The following ZNFX1 variants were observed in gnomAD, a reference collection of about 807,000 sequenced individuals.
ZNFX1 encodes the protein NFX1-type zinc finger-containing protein 1.
Under a neutral mutation model 179.8 loss-of-function variants are expected in ZNFX1, and 78 were observed. The ratio of observed to expected loss-of-function variants is 0.43; its 90% CI spans 0.36 to 0.52. The LOEUF (loss-of-function observed/expected upper bound fraction) is 0.52, where lower values mean the gene tolerates loss of function less well. Among genes scored for constraint, ZNFX1 ranks in the 20% least tolerant of loss-of-function variants. The pLI is 0.00. For missense variants in ZNFX1, 1,927 were observed against 2,386.6 expected, an observed-to-expected ratio of 0.81 and a Z score of 4.01; for synonymous variants, 848 against 868.5, an observed-to-expected ratio of 0.98 and a Z score of 0.42.
Position 49,247,090 on chromosome 20 carries a change from A to G in ZNFX1, c.*177T>C, listed in dbSNP as rs1980694517. 1 of 771,492 alleles carries G rather than the reference A, an allele frequency of 1.3e-6. No homozygotes were observed. The highest frequency in any genetic ancestry group is 2.0e-6 in the Non-Finnish European group (1 of 494,564). 47.8% of individuals were successfully genotyped at this position (771,492 alleles called of 1,614,324 possible). A position where few individuals can be genotyped will look rare whatever the true frequency, so the allele number is the denominator to read the frequency against. ...CGCCATGTTGGTCAGGCTGGTCTCG[A>G]ACTCCTGACCTCGTGATCCGCCTGC... is the stretch of plus-strand genomic sequence containing the variant. On this transcript the variant is annotated 3_prime_UTR_variant, in exon 14 of 14. Coordinates refer to ENST00000396105, the MANE Select transcript of ZNFX1 (RefSeq NM_021035.3).
At position 49,264,637 on chromosome 20, in the gene ZNFX1, G is replaced by C. The variant is rs1233770342; in HGVS notation, c.2151+79C>G. 4 of 1,554,650 alleles carry C rather than the reference G, an allele frequency of 2.6e-6. No individual in the cohort carries two copies. The East Asian group carries it at 9.0e-5, about 35-fold the overall frequency. ...TGAGGAGCCTCCAAATCTACCCTGG[G>C]CTGCCTACCCAGAAAGCCACTGCTA... On this transcript the variant is annotated intron_variant, in intron 5 of 13. Transcript: ENST00000396105.
intron 2 of ZNFX1, among the ~76,000 whole-genome samples, chr20:49,275,080 G>T (rs1423777992): frequency 6.7e-6 from 1 of 148,748 alleles, no homozygotes; most frequent in African/African-American, 2.5e-5. Context: ...CAGAGATCGC[G>T]CCACTGCACT....
chr20:49,252,524 CAT>C (rs1204956250), intron 12 of ZNFX1, among the ~76,000 whole-genome samples, 194 bp downstream of exon 12: 3 of 151,748 alleles, frequency 2.0e-5, no homozygotes, highest in African/African-American at 7.3e-5. Context: ...GAAAGCATAA[CAT>C]AAACAGCTCC....
Position 49,248,059 on chromosome 20 carries a change from C to T in ZNFX1, c.4965G>A (p.Gly1655=). 6.2e-7 allele frequency: 1 copy of T among 1,614,174 alleles called. No homozygotes were observed. Among genetic ancestry groups the T allele is most frequent in the Non-Finnish European group, 8.5e-7 (1 of 1,180,042 alleles). ...IIKEKIQGSA[G]EIATSQERLK... The stretch of plus-strand genomic sequence containing the variant: ...GCCGTTCCTGGCTGGTTGCTATTTC[C>T]CCTGCTGAGCCCTGGATCTTTTCCT... Residue 1655 remains glycine, a synonymous_variant, in exon 14 of 14, where the codon GGG becomes GGA. Coordinates refer to ENST00000396105, the MANE Select transcript of ZNFX1 (RefSeq NM_021035.3). This position sits in a 1 kb window ranked among gnomAD's most constrained non-coding sequence, Gnocchi z 4.6.
At chr20:49,252,467 A>G (rs1196995555) in intron 12 of ZNFX1, among the ~76,000 whole-genome samples, 1 of 152,034 alleles carries the variant, frequency 6.6e-6, no homozygotes, top group East Asian at 1.9e-4. Flanking sequence ...AAAAAAAAGG[A>G]AAGAAAATCT....
chr20:49,249,102 G>C lies in ZNFX1; in HGVS notation c.3922C>G (p.Pro1308Ala). 6.2e-7 allele frequency: 1 copy of C among 1,614,218 alleles called. No homozygotes were observed. Among genetic ancestry groups the C allele is most frequent in the Non-Finnish European group, 8.5e-7 (1 of 1,180,050 alleles). ...CGHVCTRACH[P>A]YDSSHKEFQC... Reference sequence around the variant, plus strand: ...AACTCCTTGTGTGAAGAGTCATAAGGGTGGCAGGCACGGGTGCAGACATGC... The same window carrying C: ...AACTCCTTGTGTGAAGAGTCATAAGCGTGGCAGGCACGGGTGCAGACATGC... The change falls in exon 14 of 14, where the codon CCT (proline) becomes GCT (alanine). Residue 1308 changes from proline to alanine, a missense_variant. Coordinates refer to ENST00000396105, the MANE Select transcript of ZNFX1 (RefSeq NM_021035.3).
chr20:49,247,743 G>C lies in ZNFX1; in HGVS notation c.5281C>G (p.Gln1761Glu), dbSNP rs1347302901. 6.2e-7 allele frequency: 1 copy of C among 1,614,196 alleles called. No individual in the cohort carries two copies. The highest frequency in any genetic ancestry group is 2.2e-5 in the East Asian group (1 of 44,886). ...AGGTTCACCAGGTATGTGAGCCTCT[G>C]GATTTCACTTCGGAGGTCACTTAGT... is the stretch of plus-strand genomic sequence containing the variant. ...QELSDLRSEI[Q>E]RLTYLVNLLT... Residue 1761 changes from glutamine (Q) to glutamate (E), a missense_variant, in exon 14 of 14, where the codon CAG becomes GAG. Coordinates refer to ENST00000396105, the MANE Select transcript of ZNFX1 (RefSeq NM_021035.3).
In ZNFX1 at chr20:49,271,654, T is replaced by C. The variant is rs1794464880; in HGVS notation, c.158A>G (p.His53Arg). ...AGCAGGATGGTTGTTGGCCCTAGGA[T>C]GCCTTCCAGGGTGGCTGGCTCCTCC... ...LRGGASHPGR[H>R]PRANNHPAAY... Residue 53 changes from histidine (H) to arginine (R), a missense_variant, in exon 3 of 14, where the codon CAT (histidine) becomes CGT (arginine). Coordinates refer to ENST00000396105, the MANE Select transcript of ZNFX1 (RefSeq NM_021035.3). 1.2e-6 allele frequency: 2 copies of C among 1,614,034 alleles called. No homozygotes were observed. The highest frequency in any genetic ancestry group is 1.7e-6 in the Non-Finnish European group (2 of 1,179,988).
Position 49,247,940 on chromosome 20 carries a change from G to A in ZNFX1, c.5084C>T (p.Ser1695Leu). ...CTCAACCAGACCCAGGTCCTTCACT[G>A]ACAGATTTTTCTGGGCCAGCTTCTC... ...LKEKLAQKNL[S>L]VKDLGLVENY... is the part of the protein sequence containing the mutation. The change falls in exon 14 of 14, where the codon TCA (serine) becomes TTA (leucine). Residue 1695 changes from serine to leucine, a missense_variant. Physicochemically the swap from Ser to Leu is moderately radical, Grantham distance 145 (BLOSUM62 -2). Transcript: ENST00000396105. 2.5e-6 allele frequency: 4 copies of A among 1,613,942 alleles called. No individual in the cohort carries two copies. In the South Asian group the frequency reaches 3.3e-5, roughly 13 times the overall value.
rs531484289 is a variant in ZNFX1 at position 49,252,788 on chromosome 20, T to A, written c.3148A>T (p.Asn1050Tyr). The A allele has an allele frequency of 6.2e-7, 1 of 1,614,084 alleles. No homozygotes were observed. The highest frequency in any genetic ancestry group is 1.1e-5 in the South Asian group (1 of 91,072). ...ANVYDLAKNF[N>Y]LEVSLFERLV... The stretch of plus-strand genomic sequence containing the variant: ...CGTTCAAAAAGGGACACCTCAAGGT[T>A]GAAGTTCTTGGCCAGATCATACACG... Residue 1050 changes from asparagine to tyrosine, a missense_variant, in exon 12 of 14, where the codon AAC becomes TAC. By Grantham distance (143) the Asn-to-Tyr change is moderately radical. Transcript: ENST00000396105.
intron 12 of ZNFX1, 130 bp from the exon 13 acceptor site, chr20:49,251,752 C>T (rs1372118212): frequency 3.1e-6 from 2 of 640,378 alleles, no homozygotes; most frequent in Admixed American, 3.6e-5. Flanking sequence ...AATCCCATCA[C>T]TTTGGGAAGC....
At chr20:49,264,241 G>A (rs1431884996) in intron 5 of ZNFX1, among the ~76,000 whole-genome samples, 1 of 152,112 alleles carries the variant, frequency 6.6e-6, no homozygotes, top group Non-Finnish European at 1.5e-5. Context: ...AATAATGTTG[G>A]CACTCAGAAA....
At position 49,271,706 on chromosome 20, in the gene ZNFX1, T is replaced by C. The variant is rs758489436; in HGVS notation, c.106A>G (p.Asn36Asp). Reference protein sequence around the residue: ...ELPPRARNQANNPPANALRGG... With the variant: ...ELPPRARNQADNPPANALRGG... ...CGGAGAGCATTGGCTGGTGGGTTAT[T>C]GGCCTGATTTCTAGCTCTTGGTGGT... is the stretch of plus-strand genomic sequence containing the variant. Residue 36 changes from asparagine (N) to aspartate (D), a missense_variant, in exon 3 of 14, where the codon AAT becomes GAT. Physicochemically the swap from Asn to Asp is conservative, Grantham distance 23. Transcript: ENST00000396105. 1 of 1,613,786 alleles carries C rather than the reference T, an allele frequency of 6.2e-7. No individual in the cohort carries two copies. Among genetic ancestry groups the C allele is most frequent in the South Asian group, 1.1e-5 (1 of 91,062 alleles).
chr20:49,277,431 G>A (rs1437296427), intron 1 of ZNFX1, among the ~76,000 whole-genome samples: 6 of 151,266 alleles, frequency 4.0e-5, no homozygotes, highest in Admixed American at 3.9e-4. Flanking sequence ...GCAGGGAGCA[G>A]GCTGAAGGGG....
In ZNFX1 at chr20:49,246,399, A is replaced by C. The variant is rs892934833; in HGVS notation, c.*868T>G. 1.7e-4 allele frequency: 26 copies of C among 155,534 alleles called. No homozygotes were observed. Among genetic ancestry groups the C allele is most frequent in the African/African-American group, 6.3e-4 (26 of 41,388 alleles). 9.6% of individuals were successfully genotyped at this position (155,534 alleles called of 1,614,324 possible). A position where few individuals can be genotyped will look rare whatever the true frequency, so the allele number is the denominator to read the frequency against. On this transcript the variant is annotated 3_prime_UTR_variant, in exon 14 of 14. Coordinates refer to ENST00000396105, the MANE Select transcript of ZNFX1 (RefSeq NM_021035.3). ...CTTCCCCACTCTCAGTGACTATGTA[A>C]CTGTGTCAGGGTGAGTTGGTGCAGT...
In ZNFX1 at chr20:49,263,394, C is replaced by A. The variant is rs139038003; in HGVS notation, c.2241G>T (p.Gln747His). 2.3e-4 allele frequency: 377 copies of A among 1,613,870 alleles called. No homozygotes were observed. Among genetic ancestry groups the A allele is most frequent in the Non-Finnish European group, 2.9e-4 (342 of 1,179,996 alleles). Residue 747 changes from glutamine to histidine, a missense_variant, in exon 6 of 14, where the codon CAG becomes CAT. Gln to His is a conservative substitution (Grantham distance 24). Coordinates refer to ENST00000396105, the MANE Select transcript of ZNFX1 (RefSeq NM_021035.3). ...ECTMRGVLRE[Q>H]YLQKYISPQH... ...GGGGTGAGATGTACTTCTGCAGGTA[C>A]TGTTCCCGTAGGACACCACGCATGG...
chr20:49,266,178 C>G lies in ZNFX1; in HGVS notation c.1959G>C (p.Leu653Phe). 6.2e-7 allele frequency: 1 copy of G among 1,612,888 alleles called. No individual in the cohort carries two copies. The highest frequency in any genetic ancestry group is 8.5e-7 in the Non-Finnish European group (1 of 1,179,552). The change falls in exon 4 of 14, where the codon TTG (leucine) becomes TTC (phenylalanine). Residue 653 changes from leucine (L) to phenylalanine (F), a missense_variant. By Grantham distance (22) the Leu-to-Phe change is conservative. Transcript: ENST00000396105. ...AAGCATGATTAGTATAACACACAACCAAGATGGGGAACTTCTGGAGGCTAA... is the reference window on the plus strand; with the variant it reads ...AAGCATGATTAGTATAACACACAACGAAGATGGGGAACTTCTGGAGGCTAA... Reference protein sequence around the residue: ...WQISLQKFPILVVCYTNHALD... With the variant: ...WQISLQKFPIFVVCYTNHALD...
chr20:49,248,864 C>T lies in ZNFX1; in HGVS notation c.4160G>A (p.Ser1387Asn). 6.2e-7 allele frequency: 1 copy of T among 1,613,486 alleles called. No homozygotes were observed. Among genetic ancestry groups the T allele is most frequent in the Non-Finnish European group, 8.5e-7 (1 of 1,179,372 alleles). Residue 1387 changes from serine (S) to asparagine (N), a missense_variant, in exon 14 of 14, where the codon AGC becomes AAC. By Grantham distance (46) the Ser-to-Asn change is conservative (BLOSUM62 1). Coordinates refer to ENST00000396105, the MANE Select transcript of ZNFX1 (RefSeq NM_021035.3). This position sits in a 1 kb window ranked among gnomAD's most constrained non-coding sequence, Gnocchi z 4.6. ...CACACAGTCCTCACCACATGGGTGG[C>T]TGCATCTGTGCCCACATCTCAGAGA... is the stretch of plus-strand genomic sequence containing the variant. Reference protein sequence around the residue: ...SKSLRCGHRCSHPCGEDCVQL... With the variant: ...SKSLRCGHRCNHPCGEDCVQL...
chr20:49,254,374 G>T (rs1980916940), intron 10 of ZNFX1, 121 bp downstream of exon 10: 2 of 1,321,630 alleles, frequency 1.5e-6, no homozygotes, highest in Non-Finnish European at 1.0e-6. Context: ...GGTGCTTTCA[G>T]TAGCTTTTCA....
Sources: gnomAD v4.1 joint callset for allele counts (sites outside exome capture counted in the v4.1 genomes callset) on GRCh38, gnomAD v4.1.1 for gene constraint, Gnocchi (gnomAD v3.1) non-coding constraint, MANE v1.5 for transcripts, NCBI Gene and HGNC (gene_info 2026-07-23, HGNC 2026-07-21) for gene names.